Variants in CLMP observed in about 807,000 individuals in gnomAD.
CLMP encodes the protein CXADR like cell adhesion molecule.
In CLMP, 27 loss-of-function variants were observed where a neutral mutation model predicts 45.2. The ratio of observed to expected loss-of-function variants is 0.60; its 90% CI spans 0.44 to 0.82. The LOEUF (loss-of-function observed/expected upper bound fraction) is 0.82, where lower values mean the gene tolerates loss of function less well. Among genes scored for constraint, CLMP ranks in the 40% least tolerant of loss-of-function variants. The pLI, the probability that CLMP is intolerant of heterozygous loss-of-function variation, is 0.00. For missense variants in CLMP, 403 were observed against 448.4 expected (o/e 0.90, Z 0.91); for synonymous variants, 167 against 171.4 (o/e 0.97, Z 0.20).
At chr11:123,180,537 G>A (rs557117159) in intron 1 of CLMP, among the ~76,000 whole-genome samples, 1 of 150,758 alleles carries the variant, frequency 6.6e-6, no homozygotes, top group Admixed American at 6.6e-5. Flanking sequence ...TTGTTTATAA[G>A]TCACCCAGTC....
At chr11:123,085,942 C>T (rs1165552552) in intron 2 of CLMP, among the ~76,000 whole-genome samples, 2 of 151,798 alleles carry the variant, frequency 1.3e-5, no homozygotes, top group Non-Finnish European at 2.9e-5. Flanking sequence ...ATGACTCGCT[C>T]ATTTTTGTAT....
chr11:123,106,113 G>A (rs1860545101), intron 1 of CLMP, among the ~76,000 whole-genome samples: 2 of 151,832 alleles, frequency 1.3e-5, no homozygotes, highest in Non-Finnish European at 2.9e-5. Flanking sequence ...ACCATGCCCT[G>A]CTATTATGAG....
intron 1 of CLMP, among the ~76,000 whole-genome samples, chr11:123,165,980 A>G (rs1252264821): frequency 6.6e-6 from 1 of 152,196 alleles, no homozygotes; most frequent in Non-Finnish European, 1.5e-5. Context: ...CAGTATGCTT[A>G]AAAAGGTCTT....
intron 1 of CLMP, among the ~76,000 whole-genome samples, chr11:123,150,613 G>T (rs1329677488): frequency 6.0e-5 from 9 of 149,006 alleles, no homozygotes; most frequent in African/African-American, 7.4e-5. Flanking sequence ...AATGAAGGAA[G>T]GAAGGAAGGA....
intron 1 of CLMP, among the ~76,000 whole-genome samples, chr11:123,109,035 G>A (rs1860599834): frequency 6.8e-6 from 1 of 147,524 alleles, no homozygotes; most frequent in African/African-American, 2.5e-5. Context: ...CTCCAGCCTG[G>A]GCAACAAGAG....
chr11:123,105,094 T>C (rs1860523654), intron 1 of CLMP, among the ~76,000 whole-genome samples: 1 of 152,144 alleles, frequency 6.6e-6, no homozygotes, highest in Admixed American at 6.6e-5. Context: ...CAGGCACTTA[T>C]CAAAGGACCT....
At chr11:123,182,264 T>C (rs1861779150) in intron 1 of CLMP, among the ~76,000 whole-genome samples, 1 of 152,236 alleles carries the variant, frequency 6.6e-6, no homozygotes, top group South Asian at 2.1e-4. Context: ...TGAAGCATCC[T>C]GCGAAGAGCT....
chr11:123,137,840 C>T (rs2135514520), intron 1 of CLMP, among the ~76,000 whole-genome samples: 1 of 152,276 alleles, frequency 6.6e-6, no homozygotes, highest in African/African-American at 2.4e-5. Flanking sequence ...TCAAGAGCAG[C>T]GACCCAGACA....
chr11:123,091,645 T>C (rs1865933559), intron 2 of CLMP, among the ~76,000 whole-genome samples: 1 of 152,210 alleles, frequency 6.6e-6, no homozygotes. Flanking sequence ...AGCTTTGATG[T>C]CTGGGCACCG....
At position 123,071,317 on chromosome 11, in the gene CLMP, C is replaced by T. The variant is rs1865669390; in HGVS notation, c.*2157G>A. 1 of 152,130 alleles carries T rather than the reference C, an allele frequency of 6.6e-6. No individual in the cohort carries two copies. Among genetic ancestry groups the T allele is most frequent in the Admixed American group, 6.6e-5 (1 of 15,248 alleles). 9.4% of individuals were successfully genotyped at this position (152,130 alleles called of 1,614,324 possible). A position where few individuals can be genotyped will look rare whatever the true frequency, so the allele number is the denominator to read the frequency against. On this transcript the variant is annotated 3_prime_UTR_variant, in exon 7 of 7. Transcript: ENST00000448775. Reference sequence around the variant, plus strand: ...GTACGTGGTGGCGCACACCTATAATCCAAGCTACTTGGGGGACTGAGGAAG... The same window carrying T: ...GTACGTGGTGGCGCACACCTATAATTCAAGCTACTTGGGGGACTGAGGAAG...
chr11:123,129,930 CT>C (rs1479155915), intron 1 of CLMP, among the ~76,000 whole-genome samples: 1 of 138,114 alleles, frequency 7.2e-6, no homozygotes, highest in Non-Finnish European at 1.6e-5. Flanking sequence ...TTTTTTTTTC[CT>C]GGAGGCTCCA....
At chr11:123,161,125 A>AC (rs1861481748) in intron 1 of CLMP, among the ~76,000 whole-genome samples, 1 of 152,208 alleles carries the variant, frequency 6.6e-6, no homozygotes, top group Non-Finnish European at 1.5e-5. Flanking sequence ...TGTACTAGGT[A>AC]TGTACCAGGT....
chr11:123,160,461 T>C (rs76982255), intron 1 of CLMP, among the ~76,000 whole-genome samples: 31 of 152,238 alleles, frequency 2.0e-4, no homozygotes, highest in African/African-American at 7.0e-4. Context: ...CTGGCTCACA[T>C]GGACGCAGTT....
intron 1 of CLMP, among the ~76,000 whole-genome samples, chr11:123,181,813 T>C (rs1348687555): frequency 6.6e-6 from 1 of 152,204 alleles, no homozygotes; most frequent in Non-Finnish European, 1.5e-5. Flanking sequence ...TTCGATTTCT[T>C]GTTGTCTGGG....
intron 1 of CLMP, among the ~76,000 whole-genome samples, chr11:123,172,469 A>C (rs1026084302): frequency 1.3e-5 from 2 of 151,920 alleles, no homozygotes; most frequent in South Asian, 2.1e-4. Flanking sequence ...TGTTGCAATA[A>C]ACTTTTATTG....
At chr11:123,119,033 CT>C in intron 1 of CLMP, among the ~76,000 whole-genome samples, 1 of 54,848 alleles carries the variant, frequency 1.8e-5, no homozygotes, top group African/African-American at 1.0e-4. Context: ...CTCTCTCTCT[CT>C]CTCTCTCTCT....
Position 123,074,844 on chromosome 11 carries a change from C to CT in CLMP, c.680-2dup. The CT allele has an allele frequency of 1.2e-6, 2 of 1,610,514 alleles. No individual in the cohort carries two copies. Among genetic ancestry groups the CT allele is most frequent in the East Asian group, 4.5e-5 (2 of 44,834 alleles). On this transcript the variant is annotated splice_acceptor_variant, in intron 5 of 6. Coordinates refer to ENST00000448775, the MANE Select transcript of CLMP (RefSeq NM_024769.5). LOFTEE classifies it high-confidence loss of function. The stretch of plus-strand genomic sequence containing the variant: ...GCAACCATGCCGATGCTTTGTACAT[C>CT]TATTTTCTCAGAAGCAAAAGCACAA...
chr11:123,115,200 C>G (rs767160185), intron 1 of CLMP, among the ~76,000 whole-genome samples: 51 of 151,262 alleles, frequency 3.4e-4, no homozygotes, highest in Non-Finnish European at 6.2e-4. Context: ...CACCAGCACA[C>G]CTGGCTAATT....
intron 1 of CLMP, among the ~76,000 whole-genome samples, chr11:123,131,111 G>A (rs1044130891): frequency 2.6e-5 from 4 of 151,986 alleles, no homozygotes; most frequent in Middle Eastern, 3.2e-3. Flanking sequence ...TTAAAGTGCT[G>A]GGATTACAGG....
Sources: allele counts gnomAD v4.1 joint callset (sites outside exome capture counted in the v4.1 genomes callset), GRCh38; gene constraint gnomAD v4.1.1; transcripts MANE v1.5; gene names NCBI Gene and HGNC (gene_info 2026-07-23, HGNC 2026-07-21).